Variants in DARS2 observed in about 807,000 individuals in gnomAD.
DARS2 encodes the protein aspartyl-tRNA synthetase 2, mitochondrial, also known as aspartate--tRNA ligase, mitochondrial.
A neutral mutation model predicts 83.0 loss-of-function variants in DARS2; 63 were observed. The observed-to-expected ratio is 0.76, with a 90% CI of 0.62 to 0.94. The LOEUF (loss-of-function observed/expected upper bound fraction) is 0.94, where lower values mean the gene tolerates loss of function less well. DARS2 is among the 40% of genes least tolerant of loss of function. The pLI is 0.00. For missense variants in DARS2, 675 were observed against 774.4 expected, an observed-to-expected ratio of 0.87 and a Z score of 1.52; for synonymous variants, 250 against 269.3, an observed-to-expected ratio of 0.93 and a Z score of 0.70.
chr1:173,850,372 C>G lies in DARS2; in HGVS notation c.1237C>G (p.Pro413Ala), dbSNP rs1232743465. 6.2e-7 allele frequency: 1 copy of G among 1,613,106 alleles called. No individual in the cohort carries two copies. Among genetic ancestry groups the G allele is most frequent in the African/African-American group, 1.3e-5 (1 of 74,790 alleles). The part of the protein sequence containing the change: ...FLNANRNWNS[P>A]VANFIMESQR... ...TAACGCCAATAGAAACTGGAATTCT[C>G]CAGTTGCTAATTTCATAATGGAGTC... Residue 413 changes from proline to alanine, a missense_variant, in exon 13 of 17, where the codon CCA (proline) becomes GCA (alanine). Pro to Ala is a conservative substitution (Grantham distance 27). Coordinates refer to ENST00000649689, the MANE Select transcript of DARS2 (RefSeq NM_018122.5).
chr1:173,856,128 G>T (rs992379315), intron 15 of DARS2, among the ~76,000 whole-genome samples: 2 of 152,056 alleles, frequency 1.3e-5, no homozygotes, highest in Non-Finnish European at 2.9e-5. Context: ...CTGTTTGTTT[G>T]AAGCTTCCCA....
At chr1:173,840,770 AAG>A in intron 10 of DARS2, 94 bp from the exon 11 acceptor site, 1 of 744,022 alleles carries the variant, frequency 1.3e-6, no homozygotes. Flanking sequence ...TTAAATTATC[AAG>A]ATCTATTCTC....
rs1653927921 is a variant in DARS2, at chr1:173,858,327, T to TA, written c.*623dup. ...CCTTCCTGCTAATGTGTAAAATACA[T>TA]ACTTGCCCTGGCTACCTCACCGGGC... On this transcript the variant is annotated 3_prime_UTR_variant, in exon 17 of 17. Coordinates refer to ENST00000649689, the MANE Select transcript of DARS2 (RefSeq NM_018122.5). 6.5e-6 allele frequency: 1 copy of TA among 154,732 alleles called. No homozygotes were observed. The highest frequency in any genetic ancestry group is 2.4e-5 in the African/African-American group (1 of 41,460). 9.6% of individuals were successfully genotyped at this position (154,732 alleles called of 1,614,324 possible).
intron 15 of DARS2, among the ~76,000 whole-genome samples, chr1:173,854,889 A>G (rs143073132): frequency 3.3e-4 from 50 of 152,256 alleles, no homozygotes; most frequent in African/African-American, 1.2e-3. Flanking sequence ...ACAGGTGCAG[A>G]CCTAAGAATT....
chr1:173,831,737 C>T, intron 5 of DARS2, 107 bp downstream of exon 5: 4 of 900,468 alleles, frequency 4.4e-6, no homozygotes, highest in East Asian at 2.5e-5. Flanking sequence ...CAAAATTAAG[C>T]ATTTTATTGT....
chr1:173,827,605 T>G (rs892670000), intron 2 of DARS2, among the ~76,000 whole-genome samples: 3 of 152,050 alleles, frequency 2.0e-5, no homozygotes, highest in Non-Finnish European at 4.4e-5. Flanking sequence ...CACTCCACTC[T>G]GGGCAACAGA....
At chr1:173,846,422 T>G (rs1244086412) in intron 12 of DARS2, among the ~76,000 whole-genome samples, 1 of 150,066 alleles carries the variant, frequency 6.7e-6, no homozygotes, top group African/African-American at 2.5e-5. Flanking sequence ...AGCCCAGGAG[T>G]TCAAGGCTGC....
Position 173,850,474 on chromosome 1 carries a change from A to G in DARS2, c.1339A>G (p.Lys447Glu), listed in dbSNP as rs1343531736. ...CCTACTAACTGCTGGAGAGCACAAT[A>G]AAGCAGTAAGAAAAATTACTTCCAA... is the stretch of plus-strand genomic sequence containing the variant. ...VVLLTAGEHNKACSLLGKLRL... is the reference protein window; with the variant it reads ...VVLLTAGEHNEACSLLGKLRL... The change falls in exon 13 of 17, where the codon AAA becomes GAA. Residue 447 changes from lysine to glutamate, a missense_variant. Lys to Glu is a moderately conservative substitution (Grantham distance 56). Coordinates refer to ENST00000649689, the MANE Select transcript of DARS2 (RefSeq NM_018122.5). 6.2e-7 allele frequency: 1 copy of G among 1,613,882 alleles called. No homozygotes were observed.
At chr1:173,839,573 C>G in intron 10 of DARS2, 27 bp downstream of exon 10, 2 of 1,604,398 alleles carry the variant, frequency 1.2e-6, no homozygotes, top group East Asian at 2.2e-5. Context: ...TTCTAGGACT[C>G]TGTCCCCAAA....
In DARS2 at chr1:173,825,170, C is replaced by CT. The variant is rs1652429269; in HGVS notation, c.-56dup. ...GATTTCTGTGTATTTCCAAAACTGA[C>CT]TTTTAACTACCGGCAGCGTGGGATT... On this transcript the variant is annotated 5_prime_UTR_variant, in exon 1 of 17. Transcript: ENST00000649689. 1.3e-6 allele frequency: 2 copies of CT among 1,595,332 alleles called. No homozygotes were observed. Among genetic ancestry groups the CT allele is most frequent in the African/African-American group, 2.7e-5 (2 of 74,144 alleles).
At chr1:173,848,105 G>A (rs549197955) in intron 12 of DARS2, among the ~76,000 whole-genome samples, 1 of 152,080 alleles carries the variant, frequency 6.6e-6, no homozygotes, top group East Asian at 1.9e-4. Context: ...CGCCCACCTC[G>A]GCCTCCCAAA....
At position 173,846,418 on chromosome 1, in the gene DARS2, G is replaced by A. The variant is rs146071979; in HGVS notation, c.1191+1127G>A. On this transcript the variant is annotated intron_variant, in intron 12 of 16. Coordinates refer to ENST00000649689, the MANE Select transcript of DARS2 (RefSeq NM_018122.5). The stretch of plus-strand genomic sequence containing the variant: ...CTGAGGCAGGAGAATCACAAGCCCA[G>A]GAGTTCAAGGCTGCAGTGAGCTATG... 1.3e-4 allele frequency among the ~76,000 whole-genome samples: 20 copies of A among 152,106 alleles called. No individual in the cohort carries two copies. The East Asian group carries it at 3.9e-3, about 29-fold the overall frequency.
At position 173,825,072 on chromosome 1, in the gene DARS2, C is replaced by T. The variant is rs923676213; in HGVS notation, c.-158C>T. On this transcript the variant is annotated 5_prime_UTR_variant, in exon 1 of 17. In the 5' UTR this introduces an upstream ATG that the reference lacks. Transcript: ENST00000649689. ...TGGAGATTTGTCTTGTTTCTAGACACGTGTACTCCAATGTTGTGCGGAGGA... is the reference window on the plus strand; with the variant it reads ...TGGAGATTTGTCTTGTTTCTAGACATGTGTACTCCAATGTTGTGCGGAGGA... 8 of 1,037,300 alleles carry T rather than the reference C, an allele frequency of 7.7e-6. 1 individual carries two copies. Among genetic ancestry groups the T allele is most frequent in the Middle Eastern group, 5.7e-4 (2 of 3,504 alleles). 64.3% of individuals were successfully genotyped at this position (1,037,300 alleles called of 1,614,324 possible). A position where few individuals can be genotyped will look rare whatever the true frequency, so the allele number is the denominator to read the frequency against.
At chr1:173,837,247 A>G (rs1050152418) in intron 8 of DARS2, among the ~76,000 whole-genome samples, 3 of 151,010 alleles carry the variant, frequency 2.0e-5, no homozygotes, top group Admixed American at 2.0e-4. Flanking sequence ...ACAAAGCTCT[A>G]TGGTAGTAGA....
intron 12 of DARS2, among the ~76,000 whole-genome samples, chr1:173,846,649 A>T (rs1469015821): frequency 6.6e-6 from 1 of 151,806 alleles, no homozygotes; most frequent in Admixed American, 6.6e-5. Context: ...AAAAAAAATT[A>T]GCTGGGCATG....
chr1:173,836,747 T>C (rs1653019830), intron 7 of DARS2, among the ~76,000 whole-genome samples, 193 bp from the exon 8 acceptor site: 1 of 152,214 alleles, frequency 6.6e-6, no homozygotes, highest in Non-Finnish European at 1.5e-5. Context: ...ACAATGGTGT[T>C]TAAAGTCTAC....
intron 11 of DARS2, among the ~76,000 whole-genome samples, chr1:173,841,212 TAAAAAATAC>T (rs947419506): frequency 2.0e-5 from 3 of 151,782 alleles, no homozygotes; most frequent in African/African-American, 7.3e-5. Flanking sequence ...CCATCTCTAC[TAAAAAATAC>T]AAAAAATTAG....
At chr1:173,826,473 A>G (rs1652571144) in intron 1 of DARS2, among the ~76,000 whole-genome samples, 1 of 152,208 alleles carries the variant, frequency 6.6e-6, no homozygotes, top group Admixed American at 6.5e-5. Context: ...AGAAATTTAC[A>G]TTCAGTTATT....
At chr1:173,844,403 C>A (rs1052463642) in intron 11 of DARS2, among the ~76,000 whole-genome samples, 4 of 152,166 alleles carry the variant, frequency 2.6e-5, no homozygotes, top group African/African-American at 9.6e-5. Context: ...AGCGTGGTGG[C>A]TCACACCTGT....
Sources: allele counts gnomAD v4.1 joint callset (sites outside exome capture counted in the v4.1 genomes callset), GRCh38; gene constraint gnomAD v4.1.1; transcripts MANE v1.5; gene names NCBI Gene and HGNC (gene_info 2026-07-23, HGNC 2026-07-21).